Variants in LINGO2 observed in about 807,000 individuals in gnomAD.
LINGO2 encodes leucine-rich repeat and immunoglobulin-like domain-containing nogo receptor-interacting protein 2.
A neutral mutation model predicts 30.6 loss-of-function variants in LINGO2; 14 were observed. The ratio of observed to expected loss-of-function variants is 0.46; its 90% CI spans 0.30 to 0.72. The LOEUF is 0.72. Among genes scored for constraint, LINGO2 ranks in the 30% least tolerant of loss-of-function variants. The pLI is 0.07. For synonymous variants in LINGO2, 317 were observed against 288.5 expected (o/e 1.10, Z -1.00); for missense variants, 729 against 751.7 (o/e 0.97, Z 0.35).
intron 4 of LINGO2, chr9:28,149,237 T>A (rs1428074055): frequency 3.4e-6 from 3 of 879,294 alleles, no homozygotes; most frequent in Non-Finnish European, 5.2e-6. Context: ...ACGCCTGTAA[T>A]CAAGCACTTT....
At chr9:28,640,123 T>G (rs1012448428) in intron 1 of LINGO2, among the ~76,000 whole-genome samples, 6 of 152,144 alleles carry the variant, frequency 3.9e-5, no homozygotes, top group African/African-American at 1.4e-4. Context: ...GAAAATTCTT[T>G]TCTTTAAGAA....
Position 28,076,990 on chromosome 9 carries a change from A to T in LINGO2, c.-86-64585T>A, listed in dbSNP as rs549828376. Among the ~76,000 whole-genome samples the T allele has an allele frequency of 2.0e-5, 3 of 152,270 alleles. No individual in the cohort carries two copies. In the East Asian group the frequency reaches 5.8e-4, roughly 29 times the overall value. On this transcript the variant is annotated intron_variant, in intron 4 of 5. Transcript: ENST00000379992. ...ATTGTGCAGTAAGGTTGAAAATGGG[A>T]ATGCATAGTGACAGAAGTAAGTAGG...
intron 1 of LINGO2, among the ~76,000 whole-genome samples, chr9:28,543,575 C>G (rs1431522466): frequency 1.3e-5 from 2 of 151,840 alleles, no homozygotes; most frequent in Non-Finnish European, 2.9e-5. Flanking sequence ...AGCCCAGAAA[C>G]AGTGACAAAA....
intron 3 of LINGO2, among the ~76,000 whole-genome samples, chr9:28,313,552 T>C (rs993815900): frequency 2.0e-5 from 3 of 152,148 alleles, no homozygotes; most frequent in Non-Finnish European, 4.4e-5. Context: ...TCAGAAGAAA[T>C]TGAAATCTTT....
intron 5 of LINGO2, among the ~76,000 whole-genome samples, chr9:27,992,167 AC>A (rs148197867): frequency 0.037 from 5,682 of 151,890 alleles, 339 homozygotes; most frequent in African/African-American, 0.13. Flanking sequence ...CACTGAAAAT[AC>A]CCCTCCAGTC....
downstream of LINGO2, among the ~76,000 whole-genome samples, chr9:27,947,161 A>G (rs1486177260): frequency 6.6e-6 from 1 of 152,206 alleles, no homozygotes; most frequent in East Asian, 1.9e-4. Context: ...TAAATATTTG[A>G]CATTGCATGA....
chr9:28,048,853 T>C (rs1025312290), intron 4 of LINGO2, among the ~76,000 whole-genome samples: 2 of 150,844 alleles, frequency 1.3e-5, no homozygotes, highest in African/African-American at 4.9e-5. Flanking sequence ...ACTATATATA[T>C]ATGTAGTTTG....
At chr9:29,102,652 AGGAGAC>A in the LINGO2 span, among the ~76,000 whole-genome samples, 1 of 152,168 alleles carries the variant, frequency 6.6e-6, no homozygotes, top group East Asian at 1.9e-4. Context: ...TGTGTGTTCC[AGGAGAC>A]CATGCTAGGG....
intron 1 of LINGO2, among the ~76,000 whole-genome samples, chr9:28,634,162 T>C (rs573714461): frequency 6.6e-6 from 1 of 152,312 alleles, no homozygotes; most frequent in South Asian, 2.1e-4. Flanking sequence ...ATTTAGGTCT[T>C]ACTAGTTCCC....
At chr9:28,660,021 G>A (rs961127562) in intron 1 of LINGO2, among the ~76,000 whole-genome samples, 7 of 152,186 alleles carry the variant, frequency 4.6e-5, no homozygotes, top group South Asian at 4.2e-4. Context: ...AATGAGCAAC[G>A]TCAGTGACCA....
chr9:28,377,444 A>G (rs1219695043), intron 2 of LINGO2, among the ~76,000 whole-genome samples: 1 of 152,176 alleles, frequency 6.6e-6, no homozygotes, highest in African/African-American at 2.4e-5. Flanking sequence ...AGATGTCTTA[A>G]CCTACTGTTT....
chr9:27,996,491 A>G (rs1297559513), intron 5 of LINGO2, among the ~76,000 whole-genome samples: 1 of 152,190 alleles, frequency 6.6e-6, no homozygotes, highest in African/African-American at 2.4e-5. Flanking sequence ...ACATAGATGG[A>G]ACTGGAGGAT....
At chr9:28,582,436 A>C (rs1411387092) in intron 1 of LINGO2, among the ~76,000 whole-genome samples, 1 of 152,056 alleles carries the variant, frequency 6.6e-6, no homozygotes. Context: ...GCATCACTCC[A>C]GTAACCGTGC....
chr9:27,949,423 A>C, exon 6 of LINGO2: 1 of 1,614,126 alleles, frequency 6.2e-7, no homozygotes, highest in Non-Finnish European at 8.5e-7. Flanking sequence ...AGATGCTGCA[A>C]CTTCTTTTCA....
the LINGO2 span, among the ~76,000 whole-genome samples, chr9:28,994,834 G>A: frequency 3.9e-5 from 6 of 152,146 alleles, no homozygotes; most frequent in Admixed American, 2.0e-4. Context: ...AGCTGAAACT[G>A]GATCCCTTCC....
chr9:28,724,584 C>T, the LINGO2 span, among the ~76,000 whole-genome samples: 20,144 of 152,026 alleles, frequency 0.13, 1,598 homozygotes, highest in Admixed American at 0.27. Flanking sequence ...CGGATGATAA[C>T]CTACCTAAAT....
At chr9:28,901,109 G>T in the LINGO2 span, among the ~76,000 whole-genome samples, 1 of 152,026 alleles carries the variant, frequency 6.6e-6, no homozygotes, top group African/African-American at 2.4e-5. Context: ...ATTCAGTATA[G>T]CTAGTAACAT....
the LINGO2 span, among the ~76,000 whole-genome samples, chr9:29,129,882 T>C: frequency 0.019 from 2,932 of 152,162 alleles, 25 homozygotes; most frequent in South Asian, 0.053. Context: ...ACTGGTTGTT[T>C]AAAAAGAGGG....
chr9:28,872,644 A>G, the LINGO2 span, among the ~76,000 whole-genome samples: 1 of 152,024 alleles, frequency 6.6e-6, no homozygotes, highest in Non-Finnish European at 1.5e-5. Flanking sequence ...CAAACAACAC[A>G]TTTTCTGGCA....
Sources: allele counts gnomAD v4.1 joint callset (sites outside exome capture counted in the v4.1 genomes callset), GRCh38; gene constraint gnomAD v4.1.1; transcripts MANE v1.5; gene names NCBI Gene and HGNC (gene_info 2026-07-23, HGNC 2026-07-21).